Variants in TCERG1 observed in about 807,000 individuals in gnomAD.
TCERG1 encodes the protein transcription elongation regulator 1.
In TCERG1, 37 loss-of-function variants were observed where a neutral mutation model predicts 144.7. The observed-to-expected ratio is 0.26, with a 90% CI of 0.20 to 0.34. The LOEUF (loss-of-function observed/expected upper bound fraction) is 0.34, where lower values mean the gene tolerates loss of function less well. Ranked by LOEUF, TCERG1 falls within the 10% of genes least tolerant of loss-of-function variation. TCERG1 has a pLI of 1.00. For synonymous variants in TCERG1, 492 were observed against 458.2 expected (o/e 1.07, Z -0.94); for missense variants, 1,027 against 1,380.7 (o/e 0.74, Z 4.06).
intron 15 of TCERG1, among the ~76,000 whole-genome samples, chr5:146,491,131 T>C (rs1182900274): frequency 2.0e-5 from 3 of 152,082 alleles, no homozygotes; most frequent in East Asian, 1.9e-4. Flanking sequence ...AGTGAAGCAC[T>C]AAAATGCTGT....
At chr5:146,458,180 A>AT (rs976947824) in intron 3 of TCERG1, among the ~76,000 whole-genome samples, 7 of 149,154 alleles carry the variant, frequency 4.7e-5, no homozygotes, top group African/African-American at 1.7e-4. Context: ...TTTATTTTTT[A>AT]TTTTTTTATT....
chr5:146,510,318 TAAAAAAAAAAAAA>T, intron 22 of TCERG1, 110 bp from the exon 23 acceptor site: 1 of 550,770 alleles, frequency 1.8e-6, no homozygotes, highest in South Asian at 2.7e-5. Flanking sequence ...AAATTTTTCT[TAAAAAAAAAAAAA>T]AAAAAAAAAA....
At chr5:146,498,307 A>T (rs930799346) in intron 16 of TCERG1, among the ~76,000 whole-genome samples, 19 of 151,676 alleles carry the variant, frequency 1.3e-4, no homozygotes, top group Admixed American at 3.9e-4. Flanking sequence ...TTTTAATAAT[A>T]ATATTTATTC....
rs1186983020 is a variant in TCERG1 at position 146,471,476 on chromosome 5, C to A, written c.1513-12C>A. The A allele has an allele frequency of 1.9e-6, 3 of 1,607,534 alleles. No individual in the cohort carries two copies. Among genetic ancestry groups the A allele is most frequent in the East Asian group, 2.2e-5 (1 of 44,838 alleles). On this transcript the variant is annotated splice_polypyrimidine_tract_variant and intron_variant, in intron 8 of 22. Coordinates refer to ENST00000679501, the MANE Select transcript of TCERG1 (RefSeq NM_001382548.1). The stretch of plus-strand genomic sequence containing the variant: ...AATGTGATACTAATTAGAGTAATAT[C>A]ATTTCTTGTAGGAGCCCAAAGAAGA...
chr5:146,489,604 G>T (rs139756903), intron 15 of TCERG1, among the ~76,000 whole-genome samples: 5 of 152,112 alleles, frequency 3.3e-5, no homozygotes, highest in East Asian at 3.9e-4. Context: ...AAACAGAAAA[G>T]ATAAAATCAT....
Position 146,503,401 on chromosome 5 carries a change from A to T in TCERG1, c.2460A>T (p.Leu820Phe). 1 of 1,613,696 alleles carries T rather than the reference A, an allele frequency of 6.2e-7. No individual in the cohort carries two copies. Among genetic ancestry groups the T allele is most frequent in the Non-Finnish European group, 8.5e-7 (1 of 1,179,774 alleles). ...TTAAATCGGATTTCTTTGAACTATT[A>T]TCTAATCATCACTTGGACAGTCAGT... ...EKIKSDFFEL[L>F]SNHHLDSQSR... The change falls in exon 18 of 23, where the codon TTA becomes TTT. Residue 820 changes from leucine to phenylalanine, a missense_variant. By Grantham distance (22) the Leu-to-Phe change is conservative. This residue lies in a region of TCERG1 where 482 missense variants were observed against 632.6 expected (regional missense o/e 0.76). Transcript: ENST00000679501.
Position 146,470,665 on chromosome 5 carries a change from A to G in TCERG1, c.1429A>G (p.Ile477Val). 2 of 1,611,398 alleles carry G rather than the reference A, an allele frequency of 1.2e-6. No individual in the cohort carries two copies. The highest frequency in any genetic ancestry group is 1.3e-5 in the African/African-American group (1 of 74,700). ...GTTAGAAGAGAAGATTAAAGAGCCA[A>G]TTAAAGAACCCTCTGAAGAGCCTCT... ...EKLEEKIKEPIKEPSEEPLPM... is the reference protein window; with the variant it reads ...EKLEEKIKEPVKEPSEEPLPM... The change falls in exon 8 of 23, where the codon ATT becomes GTT. Residue 477 changes from isoleucine to valine, a missense_variant. Around this residue, in one of 6 missense-constraint regions of TCERG1, gnomAD observed 482 missense variants for 632.6 expected, o/e 0.76. Coordinates refer to ENST00000679501, the MANE Select transcript of TCERG1 (RefSeq NM_001382548.1).
Position 146,455,152 on chromosome 5 carries a change from T to G in TCERG1, c.156T>G (p.Pro52=), listed in dbSNP as rs1397223395. 1.9e-6 allele frequency: 3 copies of G among 1,614,000 alleles called. No homozygotes were observed. The highest frequency in any genetic ancestry group is 2.5e-6 in the Non-Finnish European group (3 of 1,180,016). Residue 52 remains proline (P), a synonymous_variant, in exon 2 of 23, where the codon CCT becomes CCG. Transcript: ENST00000679501. The part of the protein sequence containing the change: ...GPPPLMRPPP[P]FGMMRGPPPP... ...CACCTCTGATGCGACCTCCTCCACC[T>G]TTTGGTATGATGCGAGGCCCTCCTC...
At chr5:146,495,439 A>G (rs1468343615) in intron 16 of TCERG1, among the ~76,000 whole-genome samples, 4 of 152,230 alleles carry the variant, frequency 2.6e-5, no homozygotes, top group Non-Finnish European at 4.4e-5. Context: ...AATGGACTAC[A>G]TATGATCCCT....
intron 15 of TCERG1, among the ~76,000 whole-genome samples, chr5:146,491,247 A>G (rs1766391975): frequency 6.6e-6 from 1 of 151,570 alleles, no homozygotes; most frequent in Admixed American, 6.6e-5. Context: ...TTGCCCTCCC[A>G]GAGTGCTGGG....
intron 15 of TCERG1, 96 bp from the exon 16 acceptor site, chr5:146,492,824 C>T: frequency 1.2e-6 from 1 of 813,930 alleles, no homozygotes; most frequent in Admixed American, 2.7e-5. Context: ...TATATTTTTC[C>T]TGGTATAGTT....
At chr5:146,494,280 G>T (rs1766680338) in intron 16 of TCERG1, among the ~76,000 whole-genome samples, 2 of 152,076 alleles carry the variant, frequency 1.3e-5, no homozygotes, top group African/African-American at 4.8e-5. Context: ...GGAGGAAAAA[G>T]GCTTTACTCT....
Position 146,471,554 on chromosome 5 carries a change from G to A in TCERG1, c.1579G>A (p.Ala527Thr), listed in dbSNP as rs1231032896. The change falls in exon 9 of 23, where the codon GCT (alanine) becomes ACT (threonine). Residue 527 changes from alanine to threonine, a missense_variant. Around this residue, in one of 6 missense-constraint regions of TCERG1, gnomAD observed 482 missense variants for 632.6 expected, o/e 0.76. Transcript: ENST00000679501. ...AAQKAKPVAT[A>T]PIPGTPWCVV... ...CCAGAAGGCAAAGCCAGTTGCTACT[G>A]CTCCTATTCCTGGTACTCCATGGTA... The A allele has an allele frequency of 6.2e-7, 1 of 1,613,432 alleles. No individual in the cohort carries two copies. Among genetic ancestry groups the A allele is most frequent in the Non-Finnish European group, 8.5e-7 (1 of 1,179,756 alleles).
At position 146,507,008 on chromosome 5, in the gene TCERG1, A is replaced by T. The variant is rs752699730; in HGVS notation, c.2782-20A>T. On this transcript the variant is annotated intron_variant, in intron 19 of 22. Coordinates refer to ENST00000679501, the MANE Select transcript of TCERG1 (RefSeq NM_001382548.1). The surrounding 1 kb of genome is among the most constrained non-coding windows in gnomAD (Gnocchi z 4.6). The stretch of plus-strand genomic sequence containing the variant: ...CAGATAAGTCTCTTTGGTGATATAT[A>T]TATAATTTTTTCTCTTCAGGTACGT... The T allele has an allele frequency of 6.5e-7, 1 of 1,548,578 alleles. No homozygotes were observed. The highest frequency in any genetic ancestry group is 2.3e-5 in the East Asian group (1 of 43,828).
At chr5:146,475,397 A>T (rs1254446755) in intron 9 of TCERG1, among the ~76,000 whole-genome samples, 4 of 152,136 alleles carry the variant, frequency 2.6e-5, no homozygotes, top group African/African-American at 9.7e-5. Context: ...GACGTTTGGC[A>T]ATGCCTGGAG....
At chr5:146,459,764 A>T (rs1763176628) in intron 4 of TCERG1, among the ~76,000 whole-genome samples, 1 of 152,332 alleles carries the variant, frequency 6.6e-6, no homozygotes, top group South Asian at 2.1e-4. Flanking sequence ...TGGATAAATG[A>T]GTGGGTGGAC....
At chr5:146,476,461 A>G (rs139878666) in intron 9 of TCERG1, among the ~76,000 whole-genome samples, 14 of 152,334 alleles carry the variant, frequency 9.2e-5, no homozygotes, top group Admixed American at 6.5e-4. Context: ...GGAATGTATA[A>G]TCAAATTACT....
intron 13 of TCERG1, chr5:146,482,228 TTA>T (rs1765423515): frequency 6.4e-6 from 1 of 155,428 alleles, no homozygotes; most frequent in Admixed American, 6.5e-5. Context: ...ACTAAAAAAA[TTA>T]TATTTTGTGC....
Position 146,469,584 on chromosome 5 carries a change from A to T in TCERG1, c.1239A>T (p.Ile413=). Residue 413 remains isoleucine (I), a synonymous_variant, in exon 7 of 23, where the codon ATA becomes ATT. Coordinates refer to ENST00000679501, the MANE Select transcript of TCERG1 (RefSeq NM_001382548.1). ...PGMAPPIVPM[I]HPQVAIAASP... is the part of the protein sequence containing the mutation. Reference sequence around the variant, plus strand: ...TGGCCCCTCCTATCGTACCCATGATACATCCCCAGGTTGCTATTGCAGCTT... The same window carrying T: ...TGGCCCCTCCTATCGTACCCATGATTCATCCCCAGGTTGCTATTGCAGCTT... The T allele has an allele frequency of 1.2e-6, 2 of 1,612,632 alleles. No homozygotes were observed. The highest frequency in any genetic ancestry group is 1.7e-6 in the Non-Finnish European group (2 of 1,179,288).
Sources: gnomAD v4.1 joint callset for allele counts (sites outside exome capture counted in the v4.1 genomes callset) on GRCh38, gnomAD v4.1.1 for gene constraint, gnomAD v4.1.1 regional missense constraint, Gnocchi (gnomAD v3.1) non-coding constraint, MANE v1.5 for transcripts, NCBI Gene and HGNC (gene_info 2026-07-23, HGNC 2026-07-21) for gene names.